Variants in THSD7A observed in about 807,000 individuals in gnomAD.
The protein encoded by THSD7A is thrombospondin type 1 domain containing 7A.
A neutral mutation model predicts 231.3 loss-of-function variants in THSD7A; 96 were observed. The ratio of observed to expected loss-of-function variants is 0.41; its 90% CI spans 0.35 to 0.49. The LOEUF is 0.49. Among genes scored for constraint, THSD7A ranks in the 20% least tolerant of loss-of-function variants. The pLI, the probability that THSD7A is intolerant of heterozygous loss-of-function variation, is 0.05. For missense variants in THSD7A, 2,290 were observed against 2,070.2 expected (o/e 1.11, Z -2.06); for synonymous variants, 940 against 743.3 (o/e 1.26, Z -4.30).
intron 1 of THSD7A, among the ~76,000 whole-genome samples, chr7:11,727,381 C>T (rs1173255088): frequency 6.6e-6 from 1 of 151,826 alleles, no homozygotes; most frequent in Non-Finnish European, 1.5e-5. Context: ...CCCTTTTACC[C>T]TACAAAGAGT....
intron 9 of THSD7A, among the ~76,000 whole-genome samples, chr7:11,465,389 C>T (rs28490360): frequency 6.6e-6 from 1 of 151,814 alleles, no homozygotes; most frequent in Non-Finnish European, 1.5e-5. Flanking sequence ...AATGCCTATC[C>T]AGGATAGGAA....
chr7:11,705,715 G>T (rs1780744267), intron 1 of THSD7A, among the ~76,000 whole-genome samples: 1 of 150,764 alleles, frequency 6.6e-6, no homozygotes, highest in East Asian at 2.0e-4. Context: ...CTTTAGCAGG[G>T]GAAAATGTTT....
intron 23 of THSD7A, among the ~76,000 whole-genome samples, chr7:11,401,242 C>T (rs949522858): frequency 1.3e-5 from 2 of 152,136 alleles, no homozygotes; most frequent in Admixed American, 6.5e-5. Flanking sequence ...AAATAATGTG[C>T]TCCTAATTAT....
intron 1 of THSD7A, among the ~76,000 whole-genome samples, chr7:11,715,749 T>C (rs916513458): frequency 1.3e-5 from 2 of 151,570 alleles, no homozygotes; most frequent in South Asian, 2.1e-4. Flanking sequence ...CTTATTTCAC[T>C]GGAAATAAAA....
chr7:11,724,641 CAAAA>C (rs575228898), intron 1 of THSD7A, among the ~76,000 whole-genome samples: 13 of 151,472 alleles, frequency 8.6e-5, no homozygotes. Context: ...ACTGGGAAGA[CAAAA>C]AAACAGTTTT....
Position 11,636,237 on chromosome 7 carries a change from G to T in THSD7A, c.915C>A (p.Asn305Lys). ...EARELIKKKR[N>K]RNRQNRQENK... ...TCTCTTGTCTGTTCTGCCTGTTTCTGTTTCTCTTTTTCTTAATAAGCTCGC... is the reference window on the plus strand; with the variant it reads ...TCTCTTGTCTGTTCTGCCTGTTTCTTTTTCTCTTTTTCTTAATAAGCTCGC... The change falls in exon 2 of 28, where the codon AAC (asparagine) becomes AAA (lysine). Residue 305 changes from asparagine (N) to lysine (K), a missense_variant. Coordinates refer to ENST00000423059, the MANE Select transcript of THSD7A (RefSeq NM_015204.3). The surrounding 1 kb of genome is among the most constrained non-coding windows in gnomAD (Gnocchi z 10.0). 6.2e-7 allele frequency: 1 copy of T among 1,614,006 alleles called. No individual in the cohort carries two copies. Among genetic ancestry groups the T allele is most frequent in the Admixed American group, 1.7e-5 (1 of 60,022 alleles).
chr7:11,661,813 A>C (rs1782940695), intron 1 of THSD7A, among the ~76,000 whole-genome samples: 1 of 151,400 alleles, frequency 6.6e-6, no homozygotes, highest in African/African-American at 2.4e-5. Context: ...AGTATGACTC[A>C]TGAGGTTTAA....
At chr7:11,815,098 TC>T (rs757696168) in intron 1 of THSD7A, among the ~76,000 whole-genome samples, 21 of 150,816 alleles carry the variant, frequency 1.4e-4, no homozygotes, top group Non-Finnish European at 1.9e-4. Context: ...AAAAAAAGAA[TC>T]TTTTAAAAAT....
chr7:11,412,357 A>T (rs560736363), intron 18 of THSD7A, among the ~76,000 whole-genome samples: 1 of 152,312 alleles, frequency 6.6e-6, no homozygotes, highest in South Asian at 2.1e-4. Flanking sequence ...TGTGCCAAAA[A>T]TATTTTAGAT....
intron 1 of THSD7A, among the ~76,000 whole-genome samples, chr7:11,786,759 T>TAAAAAA (rs58923353): frequency 7.3e-4 from 79 of 108,286 alleles, no homozygotes; most frequent in Admixed American, 1.2e-3. Flanking sequence ...AGTATAATAA[T>TAAAAAA]AAAAAAAAAA....
intron 6 of THSD7A, among the ~76,000 whole-genome samples, chr7:11,535,861 A>ATCT (rs1788895150): frequency 6.6e-6 from 1 of 152,084 alleles, no homozygotes; most frequent in Non-Finnish European, 1.5e-5. Context: ...TCAGAAGCAA[A>ATCT]TCTTATTTAG....
rs771187423 is a variant in THSD7A, at chr7:11,377,459, T to G, written c.4802-802A>C. On this transcript the variant is annotated intron_variant, in intron 26 of 27. Transcript: ENST00000423059. The surrounding 1 kb of genome is among the most constrained non-coding windows in gnomAD (Gnocchi z 4.5). ...TTTTCTGTTGCAATTAAATATTTGA[T>G]CTTAGTGTTAAAATTATAGATTGGG... Among the ~76,000 whole-genome samples, 36 of 152,076 alleles carry G rather than the reference T, an allele frequency of 2.4e-4. No individual in the cohort carries two copies. The highest frequency in any genetic ancestry group is 4.4e-4 in the Non-Finnish European group (30 of 67,964).
At chr7:11,427,942 G>GT (rs531988176) in intron 14 of THSD7A, among the ~76,000 whole-genome samples, 1 of 152,174 alleles carries the variant, frequency 6.6e-6, no homozygotes, top group South Asian at 2.1e-4. Flanking sequence ...GAACAATCAA[G>GT]ACTCTTTAGA....
intron 1 of THSD7A, among the ~76,000 whole-genome samples, chr7:11,762,985 A>G (rs1200759508): frequency 1.3e-5 from 2 of 152,174 alleles, no homozygotes; most frequent in African/African-American, 4.8e-5. Context: ...AAAGAGCCCC[A>G]ATAGCCAAAC....
At chr7:11,659,557 G>T (rs1013787632) in intron 1 of THSD7A, among the ~76,000 whole-genome samples, 4 of 151,114 alleles carry the variant, frequency 2.6e-5, no homozygotes, top group Non-Finnish European at 4.4e-5. Context: ...TATAATAATA[G>T]ATATTATTTT....
intron 11 of THSD7A, 82 bp downstream of exon 11, chr7:11,460,580 T>C (rs934394801): frequency 9.4e-7 from 1 of 1,064,108 alleles, no homozygotes; most frequent in Non-Finnish European, 1.4e-6. Flanking sequence ...TTGCTAAGCA[T>C]GGTGTCCAAG....
intron 1 of THSD7A, among the ~76,000 whole-genome samples, chr7:11,740,417 C>G (rs546937721): frequency 6.6e-6 from 1 of 152,038 alleles, no homozygotes; most frequent in East Asian, 2.0e-4. Flanking sequence ...CCAATAGCTC[C>G]CTTACATCTG....
chr7:11,724,049 A>T (rs901888535), intron 1 of THSD7A, among the ~76,000 whole-genome samples: 1 of 151,960 alleles, frequency 6.6e-6, no homozygotes, highest in African/African-American at 2.4e-5. Context: ...AAATAAAAAT[A>T]ATAGGAGTGA....
At chr7:11,795,950 T>A (rs1388452030) in intron 1 of THSD7A, among the ~76,000 whole-genome samples, 1 of 150,716 alleles carries the variant, frequency 6.6e-6, no homozygotes, top group Non-Finnish European at 1.5e-5. Context: ...TTATAAATTG[T>A]AATGCTCCCA....
Sources: allele counts gnomAD v4.1 joint callset (sites outside exome capture counted in the v4.1 genomes callset), GRCh38; gene constraint gnomAD v4.1.1; non-coding constraint Gnocchi (gnomAD v3.1); transcripts MANE v1.5; gene names NCBI Gene and HGNC (gene_info 2026-07-23, HGNC 2026-07-21).